Variants in ARHGAP32 observed in about 807,000 individuals in gnomAD.
ARHGAP32 encodes rho GTPase-activating protein 32.
In ARHGAP32, 51 loss-of-function variants were observed where a neutral mutation model predicts 186.5. The observed-to-expected ratio is 0.27, with a 90% CI of 0.22 to 0.35. ARHGAP32 has a LOEUF of 0.35. ARHGAP32 is among the 10% of genes least tolerant of loss of function. The pLI is 1.00. For missense variants in ARHGAP32, 2,186 were observed against 2,623.5 expected, an observed-to-expected ratio of 0.83 and a Z score of 3.64; for synonymous variants, 950 against 964.3, an observed-to-expected ratio of 0.99 and a Z score of 0.27.
At chr11:129,273,445 A>C (rs1335028948) in intron 1 of ARHGAP32, among the ~76,000 whole-genome samples, 1 of 152,198 alleles carries the variant, frequency 6.6e-6, no homozygotes, top group Admixed American at 6.5e-5. Context: ...GGTCAATGGA[A>C]ACTGGACCTT....
At position 129,216,669 on chromosome 11, in the gene ARHGAP32, T is replaced by TAAAA. The variant is rs201308944; in HGVS notation, c.-4-52246_-4-52243dup. 6.7e-4 allele frequency among the ~76,000 whole-genome samples: 80 copies of TAAAA among 119,068 alleles called. No individual in the cohort carries two copies. In the South Asian group the frequency reaches 9.6e-3, roughly 14 times the overall value. The allele number at this position is 119,068 out of a possible 152,430, so 78.1% of individuals were successfully genotyped here. On this transcript the variant is annotated intron_variant, in intron 1 of 6. Transcript: ENST00000525234. Reference sequence around the variant, plus strand: ...CTGGGCGACAGAGTGAGACTGTCTTTAAAAAAAAAAAAAAAAAAAAAAAAG... The same window carrying TAAAA: ...CTGGGCGACAGAGTGAGACTGTCTTTAAAAAAAAAAAAAAAAAAAAAAAAAAAAG...
At chr11:129,009,949 C>T (rs1164838479) in intron 11 of ARHGAP32, among the ~76,000 whole-genome samples, 2 of 152,154 alleles carry the variant, frequency 1.3e-5, no homozygotes, top group Non-Finnish European at 2.9e-5. Flanking sequence ...TGTAAAAGTG[C>T]TCCTTTTTCT....
At chr11:128,996,442 T>C (rs949746926) in intron 12 of ARHGAP32, among the ~76,000 whole-genome samples, 1 of 152,192 alleles carries the variant, frequency 6.6e-6, no homozygotes, top group African/African-American at 2.4e-5. Context: ...AAAGTATATA[T>C]ATATTTAAGT....
chr11:129,174,485 G>T (rs1483219774), intron 1 of ARHGAP32, among the ~76,000 whole-genome samples: 1 of 152,200 alleles, frequency 6.6e-6, no homozygotes, highest in African/African-American at 2.4e-5. Flanking sequence ...CACCTCTGGG[G>T]GCAGGGCACA....
chr11:129,228,819 TAACA>T (rs946675450), intron 1 of ARHGAP32, among the ~76,000 whole-genome samples: 1 of 152,146 alleles, frequency 6.6e-6, no homozygotes, highest in Admixed American at 6.5e-5. Context: ...TTTACCTACA[TAACA>T]AACCTGCATG....
At chr11:129,186,904 CATT>C (rs1944173150) in intron 1 of ARHGAP32, among the ~76,000 whole-genome samples, 2 of 152,136 alleles carry the variant, frequency 1.3e-5, no homozygotes. Context: ...AACCCTCACA[CATT>C]GTTGGCAGGA....
intron 6 of ARHGAP32, among the ~76,000 whole-genome samples, chr11:129,091,380 G>C (rs1941574006): frequency 6.6e-6 from 1 of 152,022 alleles, no homozygotes; most frequent in Non-Finnish European, 1.5e-5. Context: ...TCACAATTTA[G>C]AAAGAAATAA....
chr11:129,206,032 G>A (rs1025323269), intron 1 of ARHGAP32, among the ~76,000 whole-genome samples: 5 of 151,892 alleles, frequency 3.3e-5, no homozygotes, highest in African/African-American at 9.7e-5. Context: ...CATCTGACTG[G>A]ATTATATGTA....
At chr11:129,012,271 T>C (rs1459587997) in intron 11 of ARHGAP32, among the ~76,000 whole-genome samples, 3 of 152,196 alleles carry the variant, frequency 2.0e-5, no homozygotes, top group Non-Finnish European at 4.4e-5. Context: ...AGATTTTCCA[T>C]GTGAGAGAAA....
intron 1 of ARHGAP32, among the ~76,000 whole-genome samples, chr11:129,209,972 G>A (rs1487280561): frequency 6.6e-6 from 1 of 152,186 alleles, no homozygotes; most frequent in Admixed American, 6.5e-5. Flanking sequence ...ATAACACCAA[G>A]GTGACAGAAT....
At chr11:129,014,473 C>T (rs1182976683) in intron 11 of ARHGAP32, among the ~76,000 whole-genome samples, 1 of 152,186 alleles carries the variant, frequency 6.6e-6, no homozygotes, top group Non-Finnish European at 1.5e-5. Context: ...ATGTTCTAGA[C>T]TGACTTAAGA....
chr11:129,003,484 A>G (rs1432335476), intron 11 of ARHGAP32, among the ~76,000 whole-genome samples: 1 of 152,190 alleles, frequency 6.6e-6, no homozygotes, highest in Non-Finnish European at 1.5e-5. Flanking sequence ...AATGTTTGGT[A>G]AAATTCAGCA....
At chr11:129,258,189 A>C (rs1945279250) in intron 1 of ARHGAP32, among the ~76,000 whole-genome samples, 1 of 152,158 alleles carries the variant, frequency 6.6e-6, no homozygotes, top group African/African-American at 2.4e-5. Flanking sequence ...TCTCTATTAA[A>C]CAACTATCAT....
intron 1 of ARHGAP32, among the ~76,000 whole-genome samples, chr11:129,177,129 C>T (rs1036341596): frequency 6.6e-6 from 1 of 151,906 alleles, no homozygotes; most frequent in Non-Finnish European, 1.5e-5. Flanking sequence ...CACAGAAATA[C>T]AAACTACCAT....
chr11:129,064,917 A>G lies in ARHGAP32; in HGVS notation c.686T>C (p.Leu229Pro). ...TGAAAGGCGTGACAGGTAAGCCATA[A>G]GCATCTGAGTGACCGACTGAAAAGA... The part of the protein sequence containing the change: ...KDSPESVTQM[L>P]MAYLSRLSAI... Residue 229 changes from leucine (L) to proline (P), a missense_variant, in exon 8 of 23, where the codon CTT (leucine) becomes CCT (proline). Physicochemically the swap from Leu to Pro is moderately conservative, Grantham distance 98 (BLOSUM62 -3). Coordinates refer to ENST00000682385, the MANE Select transcript of ARHGAP32 (RefSeq NM_001378024.1). The G allele has an allele frequency of 6.3e-7, 1 of 1,591,656 alleles. No individual in the cohort carries two copies. The highest frequency in any genetic ancestry group is 8.6e-7 in the Non-Finnish European group (1 of 1,168,858).
chr11:129,156,109 T>A (rs1009105060), intron 2 of ARHGAP32, among the ~76,000 whole-genome samples: 2 of 152,198 alleles, frequency 1.3e-5, no homozygotes, highest in African/African-American at 4.8e-5. Context: ...ACCAGGAGAT[T>A]CCCTCAGGTG....
intron 2 of ARHGAP32, among the ~76,000 whole-genome samples, chr11:129,129,688 A>G (rs934841314): frequency 1.3e-5 from 2 of 152,302 alleles, no homozygotes; most frequent in African/African-American, 2.4e-5. Context: ...ATATATATAT[A>G]TTTTACCCTT....
chr11:129,232,023 C>CAAAAA (rs71057935), intron 1 of ARHGAP32, among the ~76,000 whole-genome samples: 4 of 64,550 alleles, frequency 6.2e-5, no homozygotes, highest in African/African-American at 1.8e-4. Flanking sequence ...GAGACGGACT[C>CAAAAA]AAAAAAAAAA....
chr11:129,270,558 G>C (rs985671680), intron 1 of ARHGAP32, among the ~76,000 whole-genome samples: 1 of 151,572 alleles, frequency 6.6e-6, no homozygotes, highest in African/African-American at 2.4e-5. Context: ...GTAACCTATG[G>C]ACTTCGGGTG....
Sources: gnomAD v4.1 joint callset for allele counts (sites outside exome capture counted in the v4.1 genomes callset) on GRCh38, gnomAD v4.1.1 for gene constraint, MANE v1.5 for transcripts, NCBI Gene and HGNC (gene_info 2026-07-23, HGNC 2026-07-21) for gene names.